The following RNF40 variants were observed in gnomAD, a reference collection of about 807,000 sequenced individuals.
The protein encoded by RNF40 is ring finger protein 40, also known as E3 ubiquitin-protein ligase BRE1B.
In RNF40, 39 loss-of-function variants were observed where a neutral mutation model predicts 123.3. The observed-to-expected ratio is 0.32, with a 90% CI of 0.24 to 0.41. The LOEUF is 0.41. Among genes scored for constraint, RNF40 ranks in the 10% least tolerant of loss-of-function variants. The pLI, the probability that RNF40 is intolerant of heterozygous loss-of-function variation, is 1.00. For missense variants in RNF40, 1,003 were observed against 1,319.9 expected, an observed-to-expected ratio of 0.76 and a Z score of 3.72; for synonymous variants, 538 against 526.0, an observed-to-expected ratio of 1.02 and a Z score of -0.31.
chr16:30,768,764 T>C lies in RNF40; in HGVS notation c.2097+28T>C, dbSNP rs757854291. ...GAGGGCAGCTGGGGCTTGTGGGGCA[T>C]TCAGAAAGGCAGAGCAGAGTCCTAG... is the stretch of plus-strand genomic sequence containing the variant. On this transcript the variant is annotated intron_variant, in intron 14 of 19. Transcript: ENST00000324685. This position sits in a 1 kb window ranked among gnomAD's most constrained non-coding sequence, Gnocchi z 4.1. 1 of 1,613,796 alleles carries C rather than the reference T, an allele frequency of 6.2e-7. No individual in the cohort carries two copies. The highest frequency in any genetic ancestry group is 8.5e-7 in the Non-Finnish European group (1 of 1,179,952).
At chr16:30,771,435 G>T (rs183290774) in intron 17 of RNF40, among the ~76,000 whole-genome samples, 67 of 152,078 alleles carry the variant, frequency 4.4e-4, no homozygotes, top group African/African-American at 1.6e-3. Flanking sequence ...GGCTAACACG[G>T]TGAAACCCCA....
chr16:30,763,179 A>G lies in RNF40; in HGVS notation c.194A>G (p.Gln65Arg), dbSNP rs888056660. Residue 65 changes from glutamine to arginine, a missense_variant, in exon 3 of 20, where the codon CAA (glutamine) becomes CGA (arginine). Gln to Arg is a conservative substitution (Grantham distance 43, BLOSUM62 1). Transcript: ENST00000324685. ...KNKKLAERLE[Q>R]RQACEDELRE... ...AAGAAACTGGCAGAGCGGCTGGAAC[A>G]ACGGCAGGCTTGTGAAGATGAACTC... 6.2e-7 allele frequency: 1 copy of G among 1,613,608 alleles called. No individual in the cohort carries two copies. Among genetic ancestry groups the G allele is most frequent in the African/African-American group, 1.3e-5 (1 of 74,922 alleles).
At chr16:30,764,895 C>T (rs768037129) in intron 5 of RNF40, 43 bp from the exon 6 acceptor site, 1 of 1,591,752 alleles carries the variant, frequency 6.3e-7, no homozygotes, top group South Asian at 1.1e-5. Flanking sequence ...TTGTTTGCCC[C>T]ATTGCCCTGA....
chr16:30,769,895 G>GCTT (rs2054116550), intron 17 of RNF40, among the ~76,000 whole-genome samples: 1 of 151,938 alleles, frequency 6.6e-6, no homozygotes, highest in Admixed American at 6.6e-5. Context: ...GCCAGGAGTT[G>GCTT]GAGACCAGCC....
rs181567820 is a variant in RNF40, at chr16:30,768,301, C to G, written c.1750C>G (p.Pro584Ala). 106 of 1,613,908 alleles carry G rather than the reference C, an allele frequency of 6.6e-5. No individual in the cohort carries two copies. In the East Asian group the frequency reaches 2.3e-3, roughly 36 times the overall value. ...TTSVKKEELV[P>A]SEEDFQGITP... Reference sequence around the variant, plus strand: ...TTCAGTGAAGAAGGAGGAGCTGGTCCCCTCTGAAGAGGACTTCCAGGGTAT... The same window carrying G: ...TTCAGTGAAGAAGGAGGAGCTGGTCGCCTCTGAAGAGGACTTCCAGGGTAT... Residue 584 changes from proline (P) to alanine (A), a missense_variant, in exon 13 of 20, where the codon CCC becomes GCC. Transcript: ENST00000324685. This position sits in a 1 kb window ranked among gnomAD's most constrained non-coding sequence, Gnocchi z 4.1.
In RNF40 at chr16:30,775,498, A is replaced by G. The variant is rs2151338001; in HGVS notation, c.*1384A>G. On this transcript the variant is annotated 3_prime_UTR_variant, in exon 20 of 20. Transcript: ENST00000324685. ...TTAGGAGGTTCTCGGAGAGAGAGCT[A>G]GTTTCCCGGTTGCGCTGGCCAAAGG... 6.0e-6 allele frequency: 1 copy of G among 165,510 alleles called. No individual in the cohort carries two copies. The highest frequency in any genetic ancestry group is 5.8e-5 in the Admixed American group (1 of 17,214). 10.3% of individuals were successfully genotyped at this position (165,510 alleles called of 1,614,324 possible). A position where few individuals can be genotyped will look rare whatever the true frequency, so the allele number is the denominator to read the frequency against.
At chr16:30,771,749 A>G in intron 17 of RNF40, 84 bp from the exon 18 acceptor site, 1 of 1,466,518 alleles carries the variant, frequency 6.8e-7, no homozygotes, top group Non-Finnish European at 9.1e-7. Context: ...GGGGCCCTGG[A>G]CAGAAGCATT....
chr16:30,767,395 G>T (rs1349962246), intron 11 of RNF40, among the ~76,000 whole-genome samples: 1 of 152,150 alleles, frequency 6.6e-6, no homozygotes, highest in Admixed American at 6.5e-5. Context: ...TGAATAGGAG[G>T]CCAGGGAAAT....
At position 30,763,561 on chromosome 16, in the gene RNF40, TA is replaced by T; in HGVS notation, c.442+3del. On this transcript the variant is annotated splice_donor_region_variant and intron_variant, in intron 4 of 19. Coordinates refer to ENST00000324685, the MANE Select transcript of RNF40 (RefSeq NM_014771.4). ...AGCCGGGGACATCAGAGCTGAGAGG[TA>T]GGACCAGAGTGCTGGGATCTGGGGA... The T allele has an allele frequency of 6.2e-7, 1 of 1,613,884 alleles. No individual in the cohort carries two copies. The highest frequency in any genetic ancestry group is 8.5e-7 in the Non-Finnish European group (1 of 1,179,994).
chr16:30,767,647 A>C (rs1392466450), intron 11 of RNF40: 1 of 425,576 alleles, frequency 2.3e-6, no homozygotes, highest in Middle Eastern at 6.7e-4. Context: ...TCTATTTAAA[A>C]AAAAAACAAA....
At chr16:30,771,027 T>C (rs1014275978) in intron 17 of RNF40, among the ~76,000 whole-genome samples, 3 of 152,114 alleles carry the variant, frequency 2.0e-5, no homozygotes, top group African/African-American at 7.2e-5. Flanking sequence ...GCAGCATATT[T>C]TACATCCCTG....
chr16:30,769,399 G>T lies in RNF40; in HGVS notation c.2460+1G>T. ...GCAGGTCCTTGGCCTCAAGTCCCAG[G>T]TATGGCCGCCGCCAGCTTGCAGACT... On this transcript the variant is annotated splice_donor_variant, in intron 16 of 19. Coordinates refer to ENST00000324685, the MANE Select transcript of RNF40 (RefSeq NM_014771.4). LOFTEE classifies it high-confidence loss of function. 6.2e-7 allele frequency: 1 copy of T among 1,614,230 alleles called. No homozygotes were observed. The highest frequency in any genetic ancestry group is 8.5e-7 in the Non-Finnish European group (1 of 1,180,054).
rs2054198352 is a variant in RNF40, at chr16:30,774,289, A to G, written c.*175A>G. 1 of 625,618 alleles carries G rather than the reference A, an allele frequency of 1.6e-6. No individual in the cohort carries two copies. Among genetic ancestry groups the G allele is most frequent in the Non-Finnish European group, 2.7e-6 (1 of 370,178 alleles). 38.8% of individuals were successfully genotyped at this position (625,618 alleles called of 1,614,324 possible). A position where few individuals can be genotyped will look rare whatever the true frequency, so the allele number is the denominator to read the frequency against. On this transcript the variant is annotated 3_prime_UTR_variant, in exon 20 of 20. Transcript: ENST00000324685. The stretch of plus-strand genomic sequence containing the variant: ...ATGCTAGTGGGCATGGGATCAGCCA[A>G]GCTTCGTTCCATCTTTTCCTAAAGG...
At position 30,774,224 on chromosome 16, in the gene RNF40, C is replaced by A; in HGVS notation, c.*110C>A. The A allele has an allele frequency of 1.7e-6, 2 of 1,161,610 alleles. No homozygotes were observed. The highest frequency in any genetic ancestry group is 2.4e-6 in the Non-Finnish European group (2 of 835,026). 72.0% of individuals were successfully genotyped at this position (1,161,610 alleles called of 1,614,324 possible). ...ACCCTCCATTCCGGACCCCATGGGCCCAGCCCCTGCCCATCTAGTTGGTTT... is the reference window on the plus strand; with the variant it reads ...ACCCTCCATTCCGGACCCCATGGGCACAGCCCCTGCCCATCTAGTTGGTTT... On this transcript the variant is annotated 3_prime_UTR_variant, in exon 20 of 20. Coordinates refer to ENST00000324685, the MANE Select transcript of RNF40 (RefSeq NM_014771.4).
intron 11 of RNF40, among the ~76,000 whole-genome samples, chr16:30,767,358 G>GT (rs766599190): frequency 3.3e-5 from 5 of 152,328 alleles, no homozygotes; most frequent in Middle Eastern, 6.8e-3. Context: ...AAGATAGGAA[G>GT]TATCAGGAGA....
In RNF40 at chr16:30,775,272, G is replaced by A; in HGVS notation, c.*1158G>A. 1 of 332,162 alleles carries A rather than the reference G, an allele frequency of 3.0e-6. No individual in the cohort carries two copies. Among genetic ancestry groups the A allele is most frequent in the Non-Finnish European group, 5.9e-6 (1 of 169,838 alleles). The allele number at this position is 332,162 out of a possible 1,614,324, so 20.6% of individuals were successfully genotyped here. On this transcript the variant is annotated 3_prime_UTR_variant, in exon 20 of 20. Coordinates refer to ENST00000324685, the MANE Select transcript of RNF40 (RefSeq NM_014771.4). ...CTGAGCAGCACTTTGCTGGCTTGGT[G>A]TGAGCCTGGGAGGGCTCAGACTTAA...
Position 30,768,258 on chromosome 16 carries a change from C to T in RNF40, c.1707C>T (p.Gly569=). The T allele has an allele frequency of 6.2e-7, 1 of 1,613,956 alleles. No individual in the cohort carries two copies. Among genetic ancestry groups the T allele is most frequent in the South Asian group, 1.1e-5 (1 of 91,086 alleles). Residue 569 remains glycine, a synonymous_variant, in exon 13 of 20, where the codon GGC becomes GGT. Coordinates refer to ENST00000324685, the MANE Select transcript of RNF40 (RefSeq NM_014771.4). The surrounding 1 kb of genome is among the most constrained non-coding windows in gnomAD (Gnocchi z 4.1). ...GAAAGGAGATGGCTCCAGTGCCTGGCACCACCACTACTACCACTTCAGTGA... is the reference window on the plus strand; with the variant it reads ...GAAAGGAGATGGCTCCAGTGCCTGGTACCACCACTACTACCACTTCAGTGA... ...DNRKEMAPVP[G]TTTTTTSVKK...
Position 30,775,510 on chromosome 16 carries a change from G to T in RNF40, c.*1396G>T, listed in dbSNP as rs571559011. 18 of 169,812 alleles carry T rather than the reference G, an allele frequency of 1.1e-4. No homozygotes were observed. In the South Asian group the frequency reaches 2.1e-3, roughly 20 times the overall value. 10.5% of individuals were successfully genotyped at this position (169,812 alleles called of 1,614,324 possible). On this transcript the variant is annotated 3_prime_UTR_variant, in exon 20 of 20. Coordinates refer to ENST00000324685, the MANE Select transcript of RNF40 (RefSeq NM_014771.4). ...CGGAGAGAGAGCTAGTTTCCCGGTT[G>T]CGCTGGCCAAAGGCCGGCCTGAACT...
chr16:30,769,703 G>A (rs2054112873), intron 17 of RNF40, 103 bp downstream of exon 17: 2 of 1,315,246 alleles, frequency 1.5e-6, no homozygotes, highest in Non-Finnish European at 2.0e-6. Flanking sequence ...GGTGAAGCCA[G>A]GCTGTCACAG....
Sources: allele counts gnomAD v4.1 joint callset (sites outside exome capture counted in the v4.1 genomes callset), GRCh38; gene constraint gnomAD v4.1.1; non-coding constraint Gnocchi (gnomAD v3.1); transcripts MANE v1.5; gene names NCBI Gene and HGNC (gene_info 2026-07-23, HGNC 2026-07-21).